The following DZIP1 variants were observed in gnomAD, a reference collection of about 807,000 sequenced individuals.
DZIP1 encodes DAZ interacting zinc finger protein 1, also known as cilium assembly protein DZIP1.
Under a neutral mutation model 107.6 loss-of-function variants are expected in DZIP1, and 97 were observed. The observed-to-expected ratio is 0.90, with a 90% CI of 0.77 to 1.07. DZIP1 has a LOEUF of 1.07. Among genes scored for constraint, DZIP1 ranks in the 50% least tolerant of loss-of-function variants. The pLI is 0.00. For synonymous variants in DZIP1, 390 were observed against 386.4 expected (o/e 1.01, Z -0.11); for missense variants, 1,035 against 1,063.6 (o/e 0.97, Z 0.37).
chr13:95,641,963 G>A lies in DZIP1; in HGVS notation c.36+31C>T. ...CGGTTCTCCCCAGCCCGGCATCCCC[G>A]TCGGGGGCGCCCCGGCCTCCCGCCT... On this transcript the variant is annotated intron_variant, in intron 4 of 22. Transcript: ENST00000376829. This position sits in a 1 kb window ranked among gnomAD's most constrained non-coding sequence, Gnocchi z 4.3. 2 of 1,569,838 alleles carry A rather than the reference G, an allele frequency of 1.3e-6. No homozygotes were observed. Among genetic ancestry groups the A allele is most frequent in the East Asian group, 2.5e-5 (1 of 40,092 alleles).
chr13:95,611,993 G>A, intron 11 of DZIP1, 44 bp downstream of exon 11: 1 of 1,601,042 alleles, frequency 6.2e-7, no homozygotes, highest in Non-Finnish European at 8.5e-7. Flanking sequence ...TAGATAGACT[G>A]CGTTGCTTAA....
chr13:95,579,313 C>T lies in DZIP1; in HGVS notation c.*2921G>A, dbSNP rs2043982462. Reference sequence around the variant, plus strand: ...TGCTCCAGGGATTTCTGAAAAAAGACACAGGCTTCTTCCTAGAGCCAGCCC... The same window carrying T: ...TGCTCCAGGGATTTCTGAAAAAAGATACAGGCTTCTTCCTAGAGCCAGCCC... On this transcript the variant is annotated 3_prime_UTR_variant, in exon 23 of 23. Transcript: ENST00000376829. The T allele has an allele frequency of 1.3e-5, 2 of 152,184 alleles. No individual in the cohort carries two copies. The highest frequency in any genetic ancestry group is 4.8e-5 in the African/African-American group (2 of 41,442). The allele number at this position is 152,184 out of a possible 1,614,324, so 9.4% of individuals were successfully genotyped here. A position where few individuals can be genotyped will look rare whatever the true frequency, so the allele number is the denominator to read the frequency against.
intron 6 of DZIP1, among the ~76,000 whole-genome samples, chr13:95,630,423 A>G (rs61975170): frequency 0.022 from 3,315 of 152,100 alleles, 52 homozygotes; most frequent in Non-Finnish European, 0.032. Flanking sequence ...GGGTGCTTTG[A>G]CCCAGTGGCA....
intron 10 of DZIP1, chr13:95,617,829 G>T: frequency 4.0e-6 from 2 of 499,378 alleles, no homozygotes; most frequent in Non-Finnish European, 4.0e-6. Context: ...CAGAAATGGA[G>T]GCTTAGTTAA....
rs1215923683 is a variant in DZIP1 at position 95,619,935 on chromosome 13, T to C, written c.1123A>G (p.Thr375Ala). 5.0e-6 allele frequency: 8 copies of C among 1,613,836 alleles called. No homozygotes were observed. Among genetic ancestry groups the C allele is most frequent in the Non-Finnish European group, 6.8e-6 (8 of 1,179,942 alleles). Residue 375 changes from threonine (T) to alanine (A), a missense_variant, in exon 10 of 23, where the codon ACA (threonine) becomes GCA (alanine). By Grantham distance (58) the Thr-to-Ala change is moderately conservative. Transcript: ENST00000376829. ...QLLDSQESKW[T>A]ARVQAIHQEH... is the part of the protein sequence containing the mutation. Reference sequence around the variant, plus strand: ...TGATGAATAGCTTGAACTCGAGCTGTCCATTTGCTTTCCTACAAAAGAATA... The same window carrying C: ...TGATGAATAGCTTGAACTCGAGCTGCCCATTTGCTTTCCTACAAAAGAATA...
At chr13:95,643,792 A>C (rs2139530668) in intron 1 of DZIP1, 94 bp from the exon 2 acceptor site, 1 of 152,558 alleles carries the variant, frequency 6.6e-6, no homozygotes, top group East Asian at 1.9e-4. Flanking sequence ...TTAGTTAAGG[A>C]AACATCAGCT....
In DZIP1 at chr13:95,642,206, C is replaced by T; in HGVS notation, c.-177G>A. On this transcript the variant is annotated 5_prime_UTR_variant, in exon 4 of 23. Coordinates refer to ENST00000376829, the MANE Select transcript of DZIP1 (RefSeq NM_198968.4). ...AGGTCCGGACCTGGAGCAAAGGGCGCGTCTGCCCGCGCAGGGTCAGCGTGC... is the reference window on the plus strand; with the variant it reads ...AGGTCCGGACCTGGAGCAAAGGGCGTGTCTGCCCGCGCAGGGTCAGCGTGC... 3 of 764,606 alleles carry T rather than the reference C, an allele frequency of 3.9e-6. No individual in the cohort carries two copies. Among genetic ancestry groups the T allele is most frequent in the Admixed American group, 8.0e-5 (2 of 25,042 alleles). 47.4% of individuals were successfully genotyped at this position (764,606 alleles called of 1,614,324 possible).
At chr13:95,638,099 T>C (rs949142454) in intron 5 of DZIP1, among the ~76,000 whole-genome samples, 53 of 149,364 alleles carry the variant, frequency 3.5e-4, no homozygotes, top group South Asian at 2.8e-3. Flanking sequence ...TTTTTTTTTT[T>C]TTTTTTTGAG....
chr13:95,602,093 A>G (rs1182202644), intron 14 of DZIP1, among the ~76,000 whole-genome samples: 1 of 152,106 alleles, frequency 6.6e-6, no homozygotes, highest in Non-Finnish European at 1.5e-5. Context: ...CAGCGGCTAC[A>G]AACTGCCCCA....
intron 22 of DZIP1, among the ~76,000 whole-genome samples, chr13:95,583,041 G>A (rs755069687): frequency 2.0e-5 from 3 of 152,184 alleles, no homozygotes; most frequent in Non-Finnish European, 4.4e-5. Flanking sequence ...AAAAGGTAGC[G>A]TGAAGGAGAC....
At chr13:95,587,942 G>A (rs1009657721) in intron 19 of DZIP1, 2 of 482,708 alleles carry the variant, frequency 4.1e-6, no homozygotes, top group Non-Finnish European at 7.1e-6. Flanking sequence ...TGCCAGCCAC[G>A]GGGCATGTTT....
chr13:95,617,899 C>G (rs970164841), intron 10 of DZIP1: 1 of 518,544 alleles, frequency 1.9e-6, no homozygotes, highest in Non-Finnish European at 3.8e-6. Context: ...TGCAGACAGC[C>G]TGGACTCGGG....
intron 2 of DZIP1, among the ~76,000 whole-genome samples, 154 bp downstream of exon 2, chr13:95,643,447 G>A (rs1215085839): frequency 1.3e-5 from 2 of 152,072 alleles, no homozygotes; most frequent in Non-Finnish European, 2.9e-5. Flanking sequence ...CAAGTTAATT[G>A]GCCTTTATTC....
rs777458310 is a variant in DZIP1 at position 95,641,939 on chromosome 13, G to A, written c.36+55C>T. The A allele has an allele frequency of 1.2e-5, 18 of 1,520,848 alleles. No homozygotes were observed. Among genetic ancestry groups the A allele is most frequent in the Non-Finnish European group, 1.5e-5 (17 of 1,143,288 alleles). 94.2% of individuals were successfully genotyped at this position (1,520,848 alleles called of 1,614,324 possible). A position where few individuals can be genotyped will look rare whatever the true frequency, so the allele number is the denominator to read the frequency against. On this transcript the variant is annotated intron_variant, in intron 4 of 22. Transcript: ENST00000376829. This position sits in a 1 kb window ranked among gnomAD's most constrained non-coding sequence, Gnocchi z 4.3. ...GGAGCTGGGGGTCCGGGGAAGCCCC[G>A]GTTCTCCCCAGCCCGGCATCCCCGT...
chr13:95,611,570 T>C, intron 11 of DZIP1, 77 bp from the exon 12 acceptor site: 1 of 1,185,372 alleles, frequency 8.4e-7, no homozygotes, highest in Non-Finnish European at 1.2e-6. Flanking sequence ...GGACAGATAA[T>C]GTTGTTAGTA....
intron 10 of DZIP1, among the ~76,000 whole-genome samples, chr13:95,616,384 C>T (rs1875070924): frequency 6.6e-6 from 1 of 152,130 alleles, no homozygotes; most frequent in Non-Finnish European, 1.5e-5. Flanking sequence ...TGAATGATGC[C>T]CTAGCTAGCT....
At position 95,594,020 on chromosome 13, in the gene DZIP1, G is replaced by A. The variant is rs1482469322; in HGVS notation, c.1604C>T (p.Ser535Phe). ...MHLRKALKSN[S>F]SLTKGLRTMV... ...TGTTCTTAGTCCCTTAGTGAGGGAG[G>A]AGTTACTCTTCAAAGCTTTCCTTAA... The change falls in exon 16 of 23, where the codon TCC becomes TTC. Residue 535 changes from serine to phenylalanine, a missense_variant. Physicochemically the swap from Ser to Phe is radical, Grantham distance 155 (BLOSUM62 -2). Coordinates refer to ENST00000376829, the MANE Select transcript of DZIP1 (RefSeq NM_198968.4). 2 of 1,611,144 alleles carry A rather than the reference G, an allele frequency of 1.2e-6. No homozygotes were observed. Among genetic ancestry groups the A allele is most frequent in the Non-Finnish European group, 1.7e-6 (2 of 1,178,500 alleles).
chr13:95,587,663 TG>T lies in DZIP1; in HGVS notation c.2093del (p.Pro698GlnfsTer20), dbSNP rs2044199232. On this transcript the variant is annotated frameshift_variant, in exon 20 of 23. Coordinates refer to ENST00000376829, the MANE Select transcript of DZIP1 (RefSeq NM_198968.4). LOFTEE classifies it high-confidence loss of function. ...GTGGTGGCGGCACAGGAAGTGGGCC[TG>T]GGGATGCGTATGCCCGGATGAGGTC... The part of the protein sequence containing the change: ...DDDLIRAYAS[P>X]GPLPVPPPQN... The T allele has an allele frequency of 1.2e-6, 2 of 1,614,158 alleles. No homozygotes were observed. The highest frequency in any genetic ancestry group is 1.7e-5 in the Admixed American group (1 of 60,020).
chr13:95,610,055 AGTGTGTGTGTGTGTGTGTGT>A lies in DZIP1; in HGVS notation c.1364-562_1364-543del, dbSNP rs58398816. 1.3e-3 allele frequency among the ~76,000 whole-genome samples: 144 copies of A among 109,306 alleles called. 2 individuals carry two copies. The highest frequency in any genetic ancestry group is 3.1e-3 in the African/African-American group (95 of 30,390). The allele number at this position is 109,306 out of a possible 152,430, so 71.7% of individuals were successfully genotyped here. A position where few individuals can be genotyped will look rare whatever the true frequency, so the allele number is the denominator to read the frequency against. On this transcript the variant is annotated intron_variant, in intron 12 of 22. Transcript: ENST00000376829. ...CTCTTGCCCTGGTCTTGACTGGTTTAGTGTGTGTGTGTGTGTGTGTGTGTGTGTGTGTGTGTGTGTGTGTG... is the reference window on the plus strand; with the variant it reads ...CTCTTGCCCTGGTCTTGACTGGTTTAGTGTGTGTGTGTGTGTGTGTGTGTG...
Sources: gnomAD v4.1 joint callset for allele counts (sites outside exome capture counted in the v4.1 genomes callset) on GRCh38, gnomAD v4.1.1 for gene constraint, Gnocchi (gnomAD v3.1) non-coding constraint, MANE v1.5 for transcripts, NCBI Gene and HGNC (gene_info 2026-07-23, HGNC 2026-07-21) for gene names.